Variants in ADAMTS2 observed in about 807,000 individuals in gnomAD.
ADAMTS2 encodes A disintegrin and metalloproteinase with thrombospondin motifs 2.
A neutral mutation model predicts 123.0 loss-of-function variants in ADAMTS2; 50 were observed. The observed-to-expected ratio is 0.41, with a 90% CI of 0.32 to 0.51. The LOEUF is 0.51. Ranked by LOEUF, ADAMTS2 falls within the 20% of genes least tolerant of loss-of-function variation. The pLI is 0.35. For synonymous variants in ADAMTS2, 678 were observed against 695.4 expected, an observed-to-expected ratio of 0.98 and a Z score of 0.39; for missense variants, 1,494 against 1,705.2, an observed-to-expected ratio of 0.88 and a Z score of 2.18.
intron 4 of ADAMTS2, among the ~76,000 whole-genome samples, chr5:179,192,529 A>C (rs1423756447): frequency 3.3e-5 from 5 of 152,224 alleles, no homozygotes; most frequent in Non-Finnish European, 1.5e-5. Flanking sequence ...CCACCGCTAC[A>C]CAGGAAACCC....
rs1367668173 is a variant in ADAMTS2 at position 179,228,147 on chromosome 5, C to T, written c.689-20432G>A. Among the ~76,000 whole-genome samples the T allele has an allele frequency of 6.6e-6, 1 of 152,158 alleles. No homozygotes were observed. The highest frequency in any genetic ancestry group is 1.5e-5 in the Non-Finnish European group (1 of 68,006). On this transcript the variant is annotated intron_variant, in intron 3 of 21. Transcript: ENST00000251582. This position sits in a 1 kb window ranked among gnomAD's most constrained non-coding sequence, Gnocchi z 5.2. Reference sequence around the variant, plus strand: ...ACTCAGGCAGGAGTGGTCTGGAGCACAGAGAGAGGGTGGGCCGGAGGCCCC... The same window carrying T: ...ACTCAGGCAGGAGTGGTCTGGAGCATAGAGAGAGGGTGGGCCGGAGGCCCC...
intron 2 of ADAMTS2, among the ~76,000 whole-genome samples, chr5:179,298,764 G>A (rs1274673183): frequency 6.6e-6 from 1 of 152,114 alleles, no homozygotes; most frequent in Non-Finnish European, 1.5e-5. Context: ...CACTGGAATG[G>A]CAAGATGCAG....
chr5:179,195,160 C>A (rs928408788), intron 4 of ADAMTS2, among the ~76,000 whole-genome samples: 1 of 152,210 alleles, frequency 6.6e-6, no homozygotes, highest in Non-Finnish European at 1.5e-5. Flanking sequence ...GCTCTGAGCT[C>A]CCCCAGTGCA....
rs1561617345 is a variant in ADAMTS2, at chr5:179,238,233, G to A, written c.689-30518C>T. 3.3e-5 allele frequency among the ~76,000 whole-genome samples: 5 copies of A among 152,314 alleles called. No individual in the cohort carries two copies. In the South Asian group the frequency reaches 1.0e-3, roughly 32 times the overall value. Reference sequence around the variant, plus strand: ...TCTGGAACATGCAGCAGGTGGAACCGCAGACGTCTCTCCAGGGAGCTGAGT... The same window carrying A: ...TCTGGAACATGCAGCAGGTGGAACCACAGACGTCTCTCCAGGGAGCTGAGT... On this transcript the variant is annotated intron_variant, in intron 3 of 21. Coordinates refer to ENST00000251582, the MANE Select transcript of ADAMTS2 (RefSeq NM_014244.5).
chr5:179,270,354 C>A (rs1281003098), intron 3 of ADAMTS2, among the ~76,000 whole-genome samples: 2 of 152,188 alleles, frequency 1.3e-5, no homozygotes, highest in East Asian at 3.9e-4. Flanking sequence ...TGTCACCTTC[C>A]CCGGCAGAAC....
chr5:179,163,427 G>A (rs867696223), intron 5 of ADAMTS2, among the ~76,000 whole-genome samples: 4 of 152,336 alleles, frequency 2.6e-5, no homozygotes, highest in Middle Eastern at 3.4e-3. Flanking sequence ...GAGGCCCAGA[G>A]CTGCTGGATC....
At chr5:179,196,219 T>A (rs1164451048) in intron 4 of ADAMTS2, among the ~76,000 whole-genome samples, 1 of 152,124 alleles carries the variant, frequency 6.6e-6, no homozygotes, top group Non-Finnish European at 1.5e-5. Flanking sequence ...AGGAAAAATA[T>A]CTGAATCCTG....
At chr5:179,201,663 G>A (rs911426661) in intron 4 of ADAMTS2, among the ~76,000 whole-genome samples, 2 of 147,478 alleles carry the variant, frequency 1.4e-5, no homozygotes, top group Admixed American at 1.4e-4. Flanking sequence ...TTAGACGGCC[G>A]TGGTGGTGCA....
intron 3 of ADAMTS2, among the ~76,000 whole-genome samples, chr5:179,232,470 G>C (rs542975343): frequency 2.3e-4 from 35 of 152,358 alleles, no homozygotes; most frequent in Middle Eastern, 3.4e-3. Flanking sequence ...ACACTGCTCG[G>C]AAGTGTCAGA....
chr5:179,327,822 C>T (rs775756357), intron 2 of ADAMTS2, among the ~76,000 whole-genome samples: 13 of 151,924 alleles, frequency 8.6e-5, no homozygotes, highest in Non-Finnish European at 1.8e-4. Context: ...AGACATAAAA[C>T]GAAAACATGT....
intron 2 of ADAMTS2, among the ~76,000 whole-genome samples, chr5:179,290,525 TC>T (rs1418620473): frequency 6.6e-6 from 1 of 152,190 alleles, no homozygotes; most frequent in Non-Finnish European, 1.5e-5. Flanking sequence ...CCTACAAAGT[TC>T]CTGGTTTCAG....
At chr5:179,255,768 C>A (rs987794131) in intron 3 of ADAMTS2, among the ~76,000 whole-genome samples, 2 of 152,162 alleles carry the variant, frequency 1.3e-5, no homozygotes, top group African/African-American at 4.8e-5. Context: ...GGTGGCACGG[C>A]ACAGACACTG....
At chr5:179,263,521 T>C (rs991298173) in intron 3 of ADAMTS2, among the ~76,000 whole-genome samples, 1 of 152,242 alleles carries the variant, frequency 6.6e-6, no homozygotes, top group Non-Finnish European at 1.5e-5. Context: ...CCTCCTGTCC[T>C]GTCCTGCAGG....
chr5:179,124,649 T>A (rs1293530467), intron 19 of ADAMTS2, among the ~76,000 whole-genome samples: 2 of 152,216 alleles, frequency 1.3e-5, no homozygotes, highest in Non-Finnish European at 2.9e-5. Flanking sequence ...AGGATGTGGC[T>A]CAGGACAGGA....
chr5:179,237,156 G>A (rs1482704564), intron 3 of ADAMTS2, among the ~76,000 whole-genome samples: 1 of 152,226 alleles, frequency 6.6e-6, no homozygotes, highest in Non-Finnish European at 1.5e-5. Flanking sequence ...CCAGCTACGT[G>A]AGAGGCTGAG....
intron 2 of ADAMTS2, among the ~76,000 whole-genome samples, chr5:179,336,521 C>T (rs1476365024): frequency 1.3e-5 from 2 of 152,064 alleles, no homozygotes; most frequent in Non-Finnish European, 2.9e-5. Flanking sequence ...GCCCGCGCCT[C>T]CAGGGAACCA....
chr5:179,261,823 G>A (rs1766231711), intron 3 of ADAMTS2, among the ~76,000 whole-genome samples: 1 of 152,148 alleles, frequency 6.6e-6, no homozygotes, highest in African/African-American at 2.4e-5. Context: ...TCCCCACAGT[G>A]GCAGGCAAGG....
chr5:179,226,145 A>G (rs1359068032), intron 3 of ADAMTS2, among the ~76,000 whole-genome samples: 1 of 152,178 alleles, frequency 6.6e-6, no homozygotes, highest in East Asian at 1.9e-4. Flanking sequence ...TCATTTCAAT[A>G]TGAGGGGACA....
rs114355976 is a variant in ADAMTS2 at position 179,211,289 on chromosome 5, A to G, written c.689-3574T>C. On this transcript the variant is annotated intron_variant, in intron 3 of 21. Transcript: ENST00000251582. ...AGTGATCAGCGCACCCATCTCCTGCAGAGGCAGGAGGATGACACTGCCCTT... is the reference window on the plus strand; with the variant it reads ...AGTGATCAGCGCACCCATCTCCTGCGGAGGCAGGAGGATGACACTGCCCTT... 4.5e-3 allele frequency among the ~76,000 whole-genome samples: 680 copies of G among 152,314 alleles called. 9 individuals are homozygous for G. The highest frequency in any genetic ancestry group is 0.016 in the African/African-American group (655 of 41,572).
Sources: allele counts gnomAD v4.1 joint callset (sites outside exome capture counted in the v4.1 genomes callset), GRCh38; gene constraint gnomAD v4.1.1; non-coding constraint Gnocchi (gnomAD v3.1); transcripts MANE v1.5; gene names NCBI Gene and HGNC (gene_info 2026-07-23, HGNC 2026-07-21).